Variants in DIPK2B observed in about 807,000 individuals in gnomAD.
The protein encoded by DIPK2B is UPF0672 protein CXorf36.
Under a neutral mutation model 22.2 loss-of-function variants are expected in DIPK2B, and 15 were observed. That is an observed-to-expected ratio of 0.68 (90% CI 0.45 to 1.04). The LOEUF (loss-of-function observed/expected upper bound fraction) is 1.04, where lower values mean the gene tolerates loss of function less well. Ranked by LOEUF, DIPK2B falls within the 50% of genes least tolerant of loss-of-function variation. DIPK2B has a pLI of 0.00. For synonymous variants in DIPK2B, 163 were observed against 153.2 expected (o/e 1.06, Z -0.47); for missense variants, 345 against 348.3 (o/e 0.99, Z 0.08).
chrX:45,171,721 C>T (rs1457431894), intron 2 of DIPK2B, among the ~76,000 whole-genome samples: 6 of 112,647 alleles, frequency 5.3e-5, no homozygotes, highest in Non-Finnish European at 1.1e-4. Context: ...GCTTTCCTGG[C>T]CCTTCCAGCT....
At chrX:45,194,051 T>A (rs2047225959) in intron 1 of DIPK2B, among the ~76,000 whole-genome samples, 1 of 112,177 alleles carries the variant, frequency 8.9e-6, no homozygotes, top group Non-Finnish European at 1.9e-5. Context: ...ACACTTTATA[T>A]GTACAGATTC....
intron 2 of DIPK2B, among the ~76,000 whole-genome samples, chrX:45,169,483 C>CA (rs1260657719): frequency 9.0e-6 from 1 of 111,313 alleles, no homozygotes; most frequent in African/African-American, 3.3e-5. Context: ...TGCATTGTGT[C>CA]ATGTTCACTT....
intron 2 of DIPK2B, among the ~76,000 whole-genome samples, chrX:45,173,270 G>C (rs771821488): frequency 9.0e-6 from 1 of 111,398 alleles, no homozygotes; most frequent in South Asian, 3.8e-4. Flanking sequence ...GCTCACTGGA[G>C]CCTAACTGCC....
chrX:45,175,884 A>C (rs2148343020), intron 2 of DIPK2B, among the ~76,000 whole-genome samples: 1 of 107,742 alleles, frequency 9.3e-6, no homozygotes, highest in South Asian at 4.3e-4. Context: ...CATGCATTTG[A>C]GAAATGAAAG....
intron 2 of DIPK2B, among the ~76,000 whole-genome samples, chrX:45,178,184 G>A (rs1323518991): frequency 1.8e-5 from 2 of 112,250 alleles, no homozygotes; most frequent in East Asian, 5.6e-4. Flanking sequence ...CTTGGTATAT[G>A]CTGGGCTGAA....
chrX:45,153,313 A>G (rs1471183817), intron 4 of DIPK2B, among the ~76,000 whole-genome samples: 1 of 111,955 alleles, frequency 8.9e-6, no homozygotes, highest in Non-Finnish European at 1.9e-5. Context: ...CATCCACCTC[A>G]TTTGGTTCCA....
At chrX:45,191,468 G>C (rs1338569051) in intron 2 of DIPK2B, 1 of 334,104 alleles carries the variant, frequency 3.0e-6, no homozygotes, top group African/African-American at 2.6e-5. Flanking sequence ...GGGTCATCCT[G>C]TCAGATCTTC....
Position 45,151,377 on chromosome X carries a change from A to C in DIPK2B, c.*275T>G. 1 of 364,179 alleles carries C rather than the reference A, an allele frequency of 2.7e-6. No homozygotes were observed. The allele number at this position is 364,179 out of a possible 1,213,427, so 30.0% of individuals were successfully genotyped here. The stretch of plus-strand genomic sequence containing the variant: ...CTGTGTCTTCTTTCACCCTCAGGAG[A>C]GTCTGGTGGAGAACAGAGGAAACTG... On this transcript the variant is annotated 3_prime_UTR_variant, in exon 5 of 5. Transcript: ENST00000398000.
At chrX:45,178,839 A>C (rs1031618598) in intron 2 of DIPK2B, among the ~76,000 whole-genome samples, 2 of 111,743 alleles carry the variant, frequency 1.8e-5, no homozygotes, top group Admixed American at 1.9e-4. Flanking sequence ...CAGAGGCTGC[A>C]TGGTGCTGGA....
At chrX:45,182,770 C>T (rs979323684) in intron 2 of DIPK2B, among the ~76,000 whole-genome samples, 1 of 112,862 alleles carries the variant, frequency 8.9e-6, no homozygotes, top group Admixed American at 9.3e-5. Context: ...ACATATTGTA[C>T]GATTCCATTT....
intron 2 of DIPK2B, among the ~76,000 whole-genome samples, chrX:45,181,963 G>A (rs1306472105): frequency 9.1e-6 from 1 of 110,156 alleles, no homozygotes; most frequent in Non-Finnish European, 1.9e-5. Flanking sequence ...TGTAGTCCCA[G>A]CTACTTGGGA....
chrX:45,164,332 T>C, intron 2 of DIPK2B: 1 of 1,027,898 alleles, frequency 9.7e-7, no homozygotes, highest in East Asian at 3.2e-5. Flanking sequence ...GCTCTGGCTG[T>C]TAAATGCAAA....
intron 2 of DIPK2B, among the ~76,000 whole-genome samples, chrX:45,167,264 G>A (rs1325989517): frequency 9.0e-6 from 1 of 110,899 alleles, no homozygotes; most frequent in African/African-American, 3.3e-5. Flanking sequence ...GCCGAGGTGG[G>A]AGGATTGCAT....
At chrX:45,195,044 C>T (rs765222294) in intron 1 of DIPK2B, among the ~76,000 whole-genome samples, 1 of 112,675 alleles carries the variant, frequency 8.9e-6, no homozygotes, top group African/African-American at 3.2e-5. Flanking sequence ...TTGAGACAAA[C>T]AAGATTGCAG....
At chrX:45,187,350 G>T (rs2047188756) in intron 2 of DIPK2B, among the ~76,000 whole-genome samples, 1 of 112,051 alleles carries the variant, frequency 8.9e-6, no homozygotes, top group Non-Finnish European at 1.9e-5. Context: ...CTGTGTTTCT[G>T]TTTGTGGGCT....
chrX:45,155,985 T>TTA (rs1319028953), intron 3 of DIPK2B, among the ~76,000 whole-genome samples: 2 of 94,623 alleles, frequency 2.1e-5, no homozygotes, highest in African/African-American at 8.2e-5. Flanking sequence ...TTTTTTTTTT[T>TTA]AGACAGAGTC....
chrX:45,159,254 A>T (rs1362810364), intron 2 of DIPK2B, among the ~76,000 whole-genome samples: 2 of 111,589 alleles, frequency 1.8e-5, no homozygotes, highest in Non-Finnish European at 3.8e-5. Context: ...AACAACAATA[A>T]TACGTAATAA....
intron 2 of DIPK2B, among the ~76,000 whole-genome samples, chrX:45,190,493 G>A (rs190424884): frequency 5.1e-4 from 57 of 111,449 alleles, no homozygotes; most frequent in African/African-American, 1.8e-3. Flanking sequence ...CTATAATGCC[G>A]GGTGGTGATT....
At chrX:45,183,648 G>A (rs1476008970) in intron 2 of DIPK2B, among the ~76,000 whole-genome samples, 1 of 111,303 alleles carries the variant, frequency 9.0e-6, no homozygotes, top group East Asian at 2.8e-4. Flanking sequence ...TCTTTGACCT[G>A]GTAGTTTGAT....
Sources: gnomAD v4.1 joint callset for allele counts (sites outside exome capture counted in the v4.1 genomes callset) on GRCh38, gnomAD v4.1.1 for gene constraint, MANE v1.5 for transcripts, NCBI Gene and HGNC (gene_info 2026-07-23, HGNC 2026-07-21) for gene names.